Variants in ABCA1 observed in about 807,000 individuals in gnomAD.
ABCA1 encodes the protein ATP binding cassette subfamily A member 1.
Under a neutral mutation model 262.5 loss-of-function variants are expected in ABCA1, and 133 were observed. The ratio of observed to expected loss-of-function variants is 0.51; its 90% CI spans 0.44 to 0.59. ABCA1 has a LOEUF of 0.59. Ranked by LOEUF, ABCA1 falls within the 20% of genes least tolerant of loss-of-function variation. The pLI, the probability that ABCA1 is intolerant of heterozygous loss-of-function variation, is 0.00. For synonymous variants in ABCA1, 1,022 were observed against 1,043.5 expected, an observed-to-expected ratio of 0.98 and a Z score of 0.40; for missense variants, 2,452 against 2,777.5, an observed-to-expected ratio of 0.88 and a Z score of 2.63.
intron 11 of ABCA1, among the ~76,000 whole-genome samples, chr9:104,833,895 G>A (rs1384460347): frequency 2.0e-5 from 3 of 151,858 alleles, no homozygotes; most frequent in Non-Finnish European, 2.9e-5. Context: ...CAGAGGGGCC[G>A]AGGCAGAGGC....
At chr9:104,812,528 G>A (rs1831371180) in intron 28 of ABCA1, 46 bp downstream of exon 28, 1 of 1,612,868 alleles carries the variant, frequency 6.2e-7, no homozygotes, top group East Asian at 2.2e-5. Context: ...AGAGCCTGCA[G>A]CCCACCCATG....
intron 5 of ABCA1, among the ~76,000 whole-genome samples, chr9:104,878,907 C>A (rs1463682922): frequency 6.6e-6 from 1 of 152,038 alleles, no homozygotes; most frequent in Non-Finnish European, 1.5e-5. Context: ...AACTTCCCAA[C>A]TGGATCACAG....
chr9:104,817,539 C>T lies in ABCA1; in HGVS notation c.3463-135G>A, dbSNP rs1831882045. On this transcript the variant is annotated intron_variant, in intron 23 of 49. Transcript: ENST00000374736. This position sits in a 1 kb window ranked among gnomAD's most constrained non-coding sequence, Gnocchi z 4.7. ...GAAAAAGCTTTCCCTGGGACACATG[C>T]ACTGGCAGCCGTGGCTTCAGAGGAC... 6 of 929,716 alleles carry T rather than the reference C, an allele frequency of 6.5e-6. No homozygotes were observed. Among genetic ancestry groups the T allele is most frequent in the Non-Finnish European group, 3.4e-6 (2 of 590,992 alleles). 57.6% of individuals were successfully genotyped at this position (929,716 alleles called of 1,614,324 possible).
At chr9:104,815,465 A>T (rs1336142040) in intron 25 of ABCA1, among the ~76,000 whole-genome samples, 1 of 152,210 alleles carries the variant, frequency 6.6e-6, no homozygotes, top group Non-Finnish European at 1.5e-5. Context: ...TGTATCTCTA[A>T]GGGGAGGCAT....
intron 34 of ABCA1, 106 bp downstream of exon 34, chr9:104,801,948 T>G: frequency 9.6e-7 from 1 of 1,043,272 alleles, no homozygotes; most frequent in South Asian, 1.3e-5. Flanking sequence ...TGCCAACATA[T>G]TCAGAACAAT....
chr9:104,862,735 C>G lies in ABCA1; in HGVS notation c.422-935G>C, dbSNP rs1199806550. 2.0e-4 allele frequency among the ~76,000 whole-genome samples: 13 copies of G among 65,846 alleles called. 1 individual carries two copies. The highest frequency in any genetic ancestry group is 7.6e-4 in the African/African-American group (13 of 17,152). The allele number at this position is 65,846 out of a possible 152,430, so 43.2% of individuals were successfully genotyped here. ...CCCACCCCCACCCCCACCCCCACCC[C>G]CACCCCCACCCCCACCCCCAGAGTT... On this transcript the variant is annotated intron_variant, in intron 5 of 49. Transcript: ENST00000374736.
chr9:104,803,140 T>A lies in ABCA1; in HGVS notation c.4592+144A>T, dbSNP rs1247673254. On this transcript the variant is annotated intron_variant, in intron 33 of 49. Coordinates refer to ENST00000374736, the MANE Select transcript of ABCA1 (RefSeq NM_005502.4). ...CTGTGCCCCTGTGTGCTCCACATGTTCACAGGGCTTCTGTCCTCCTCACAG... is the reference window on the plus strand; with the variant it reads ...CTGTGCCCCTGTGTGCTCCACATGTACACAGGGCTTCTGTCCTCCTCACAG... 1.2e-5 allele frequency: 11 copies of A among 914,888 alleles called. No homozygotes were observed. In the Middle Eastern group the frequency reaches 1.3e-3, roughly 109 times the overall value. 56.7% of individuals were successfully genotyped at this position (914,888 alleles called of 1,614,324 possible). A position where few individuals can be genotyped will look rare whatever the true frequency, so the allele number is the denominator to read the frequency against.
chr9:104,862,266 G>C (rs1425810948), intron 5 of ABCA1, among the ~76,000 whole-genome samples: 1 of 150,654 alleles, frequency 6.6e-6, no homozygotes, highest in Non-Finnish European at 1.5e-5. Flanking sequence ...ACCATGACTG[G>C]CAAATTTTTT....
At chr9:104,862,058 A>ACC (rs1224176028) in intron 5 of ABCA1, among the ~76,000 whole-genome samples, 1 of 148,862 alleles carries the variant, frequency 6.7e-6, no homozygotes, top group Admixed American at 6.7e-5. Flanking sequence ...TTACACACAC[A>ACC]CACACACACA....
chr9:104,785,017 A>G (rs1281842759), intron 49 of ABCA1, among the ~76,000 whole-genome samples: 1 of 152,062 alleles, frequency 6.6e-6, no homozygotes, highest in Non-Finnish European at 1.5e-5. Flanking sequence ...TTTGGCACAT[A>G]CGGTCTTGAT....
At chr9:104,809,375 A>G in intron 30 of ABCA1, 91 bp downstream of exon 30, 2 of 1,223,532 alleles carry the variant, frequency 1.6e-6, no homozygotes, top group Non-Finnish European at 2.4e-6. Flanking sequence ...TGGCGGTCAC[A>G]ATGTGGCATG....
intron 5 of ABCA1, among the ~76,000 whole-genome samples, chr9:104,864,814 A>T (rs1401768074): frequency 6.6e-6 from 1 of 152,118 alleles, no homozygotes; most frequent in African/African-American, 2.4e-5. Flanking sequence ...CACTCTCCAG[A>T]CCAGTGAGTG....
intron 5 of ABCA1, among the ~76,000 whole-genome samples, chr9:104,875,731 C>T (rs569717182): frequency 6.6e-6 from 1 of 152,134 alleles, no homozygotes; most frequent in Admixed American, 6.5e-5. Context: ...CTAGTCCTCA[C>T]TGGAGAAGGC....
rs1337158681 is a variant in ABCA1 at position 104,828,858 on chromosome 9, C to T, written c.2115+58G>A. 7 of 1,555,600 alleles carry T rather than the reference C, an allele frequency of 4.5e-6. No homozygotes were observed. The Admixed American group carries it at 1.2e-4, about 27-fold the overall frequency. Reference sequence around the variant, plus strand: ...TTTTTTTCTTCTTCTCCTCCCTTAGCCCGTGTTGAGCTATTTCGGAGTTTC... The same window carrying T: ...TTTTTTTCTTCTTCTCCTCCCTTAGTCCGTGTTGAGCTATTTCGGAGTTTC... On this transcript the variant is annotated intron_variant, in intron 15 of 49. Coordinates refer to ENST00000374736, the MANE Select transcript of ABCA1 (RefSeq NM_005502.4).
intron 14 of ABCA1, among the ~76,000 whole-genome samples, chr9:104,829,674 C>T (rs1833091730): frequency 6.6e-6 from 1 of 152,186 alleles, no homozygotes; most frequent in Non-Finnish European, 1.5e-5. Flanking sequence ...TAGGCACATA[C>T]TCACTACATG....
chr9:104,830,306 T>C (rs939979910), intron 14 of ABCA1, among the ~76,000 whole-genome samples: 5 of 152,328 alleles, frequency 3.3e-5, no homozygotes, highest in Middle Eastern at 3.4e-3. Context: ...TCTGCATCTA[T>C]GTGTGAGTAT....
At chr9:104,869,432 A>G (rs1459244956) in intron 5 of ABCA1, among the ~76,000 whole-genome samples, 2 of 152,144 alleles carry the variant, frequency 1.3e-5, no homozygotes, top group African/African-American at 4.8e-5. Context: ...AGCCTTACAA[A>G]TAAGACCTTG....
intron 2 of ABCA1, among the ~76,000 whole-genome samples, chr9:104,899,462 G>A (rs1240282866): frequency 1.3e-5 from 2 of 152,144 alleles, no homozygotes; most frequent in South Asian, 2.1e-4. Flanking sequence ...GGAAGGCTGA[G>A]GTGGGTGGAT....
Position 104,802,139 on chromosome 9 carries a change from C to A in ABCA1, c.4613G>T (p.Gly1538Val), listed in dbSNP as rs1830392118. The change falls in exon 34 of 50, where the codon GGT (glycine) becomes GTT (valine). Residue 1538 changes from glycine (G) to valine (V), a missense_variant. Gly to Val is a moderately radical substitution (Grantham distance 109). Around this residue, in one of 4 missense-constraint regions of ABCA1, gnomAD observed 752 missense variants for 944.5 expected, o/e 0.80. Transcript: ENST00000374736. The part of the protein sequence containing the change: ...NEFRYGGFSL[G>V]VSNTQALPPS... Reference sequence around the variant, plus strand: ...AGGAAGTGCTTGAGTATTACTGACACCCAGGGAAAAGCCGCCATACCTAAA... The same window carrying A: ...AGGAAGTGCTTGAGTATTACTGACAACCAGGGAAAAGCCGCCATACCTAAA... The A allele has an allele frequency of 6.2e-7, 1 of 1,614,126 alleles. No homozygotes were observed. Among genetic ancestry groups the A allele is most frequent in the Non-Finnish European group, 8.5e-7 (1 of 1,180,032 alleles).
Sources: allele counts gnomAD v4.1 joint callset (sites outside exome capture counted in the v4.1 genomes callset), GRCh38; gene constraint gnomAD v4.1.1; regional missense constraint gnomAD v4.1.1; non-coding constraint Gnocchi (gnomAD v3.1); transcripts MANE v1.5; gene names NCBI Gene and HGNC (gene_info 2026-07-23, HGNC 2026-07-21).